Variants in ARHGAP29 observed in about 807,000 individuals in gnomAD.
ARHGAP29 encodes the protein rho GTPase-activating protein 29.
A neutral mutation model predicts 122.6 loss-of-function variants in ARHGAP29; 43 were observed. The observed-to-expected ratio is 0.35, with a 90% CI of 0.27 to 0.45. The LOEUF is 0.45. Among genes scored for constraint, ARHGAP29 ranks in the 20% least tolerant of loss-of-function variants. The pLI is 1.00. For missense variants in ARHGAP29, 1,303 were observed against 1,477.2 expected, an observed-to-expected ratio of 0.88 and a Z score of 1.93; for synonymous variants, 506 against 497.1, an observed-to-expected ratio of 1.02 and a Z score of -0.24.
rs553051606 is a variant in ARHGAP29 at position 94,201,869 on chromosome 1, T to A, written c.1144-12A>T. ...TTTGCTTCTTCTACCTTCACAAATATCACAGAAAAAAAAATAACACTAGAA... is the reference window on the plus strand; with the variant it reads ...TTTGCTTCTTCTACCTTCACAAATAACACAGAAAAAAAAATAACACTAGAA... On this transcript the variant is annotated splice_polypyrimidine_tract_variant and intron_variant, in intron 11 of 22. Coordinates refer to ENST00000260526, the MANE Select transcript of ARHGAP29 (RefSeq NM_004815.4). 3 of 1,434,098 alleles carry A rather than the reference T, an allele frequency of 2.1e-6. No homozygotes were observed. Among genetic ancestry groups the A allele is most frequent in the East Asian group, 2.6e-5 (1 of 38,974 alleles). The allele number at this position is 1,434,098 out of a possible 1,614,324, so 88.8% of individuals were successfully genotyped here.
At chr1:94,215,829 T>C (rs1651928019) in intron 3 of ARHGAP29, among the ~76,000 whole-genome samples, 1 of 152,106 alleles carries the variant, frequency 6.6e-6, no homozygotes, top group Non-Finnish European at 1.5e-5. Context: ...AAAGGCTAAT[T>C]TTACTTATAC....
intron 2 of ARHGAP29, among the ~76,000 whole-genome samples, chr1:94,222,775 A>G (rs958671274): frequency 2.6e-5 from 4 of 152,218 alleles, no homozygotes; most frequent in African/African-American, 4.8e-5. Flanking sequence ...TCTAAGAGAT[A>G]TAAGATGTTA....
intron 1 of ARHGAP29, among the ~76,000 whole-genome samples, chr1:94,265,493 C>T (rs1654734575): frequency 6.6e-6 from 1 of 152,184 alleles, no homozygotes; most frequent in South Asian, 2.1e-4. Flanking sequence ...CTTTTTCCAG[C>T]AAATCCTTTC....
intron 12 of ARHGAP29, chr1:94,193,763 A>G (rs1650271137): frequency 6.6e-6 from 1 of 152,254 alleles, no homozygotes; most frequent in Non-Finnish European, 1.5e-5. Flanking sequence ...TGAATCCATT[A>G]CCAGCAGACC....
At chr1:94,224,791 C>A (rs779342495) in intron 2 of ARHGAP29, among the ~76,000 whole-genome samples, 2 of 152,146 alleles carry the variant, frequency 1.3e-5, no homozygotes, top group South Asian at 4.1e-4. Context: ...GGTGGCAGCA[C>A]AAATGGTCTA....
At chr1:94,185,237 T>C in intron 17 of ARHGAP29, 105 bp downstream of exon 17, 1 of 1,330,238 alleles carries the variant, frequency 7.5e-7, no homozygotes, top group Non-Finnish European at 1.0e-6. Context: ...GTAGTACAAT[T>C]TATTAAACAT....
intron 12 of ARHGAP29, 48 bp downstream of exon 12, chr1:94,201,672 C>T (rs1650860309): frequency 6.2e-7 from 1 of 1,606,812 alleles, no homozygotes; most frequent in Middle Eastern, 1.7e-4. Flanking sequence ...CATGCCTTGC[C>T]TGATGGTCTT....
At chr1:94,287,949 C>A in the ARHGAP29 span, among the ~76,000 whole-genome samples, 1 of 152,042 alleles carries the variant, frequency 6.6e-6, no homozygotes, top group South Asian at 2.1e-4. Flanking sequence ...TGTGAATAGT[C>A]CCGCAATAAA....
At chr1:94,211,780 G>A (rs1022114903) in intron 3 of ARHGAP29, among the ~76,000 whole-genome samples, 5 of 151,978 alleles carry the variant, frequency 3.3e-5, no homozygotes, top group African/African-American at 1.2e-4. Context: ...TATACTTTAA[G>A]TTTTAGGGTG....
intron 12 of ARHGAP29, among the ~76,000 whole-genome samples, chr1:94,201,185 G>T (rs1415295337): frequency 6.6e-6 from 1 of 152,144 alleles, no homozygotes; most frequent in Non-Finnish European, 1.5e-5. Context: ...TCAAATCAAT[G>T]ATGTCGGCAA....
intron 2 of ARHGAP29, among the ~76,000 whole-genome samples, chr1:94,230,180 AT>A (rs1270594410): frequency 2.0e-5 from 3 of 151,740 alleles, no homozygotes; most frequent in Admixed American, 2.0e-4. Context: ...ACAAATTGTT[AT>A]TACAAAGCTA....
At chr1:94,307,334 C>G in the ARHGAP29 span, among the ~76,000 whole-genome samples, 1 of 152,204 alleles carries the variant, frequency 6.6e-6, no homozygotes, top group Non-Finnish European at 1.5e-5. Context: ...TTGTCATTTT[C>G]TTCAAACATC....
chr1:94,196,325 G>C (rs1369180690), intron 12 of ARHGAP29, among the ~76,000 whole-genome samples: 1 of 134,542 alleles, frequency 7.4e-6, no homozygotes, highest in African/African-American at 2.7e-5. Flanking sequence ...GCAGTGGCGC[G>C]ATCTCGGCTC....
chr1:94,253,636 A>ACACGCACGCACGCACG (rs66700832), intron 1 of ARHGAP29, among the ~76,000 whole-genome samples: 49 of 149,346 alleles, frequency 3.3e-4, no homozygotes, highest in Non-Finnish European at 5.0e-4. Flanking sequence ...TCTGGAACAC[A>ACACGCACGCACGCACG]CACGCACGCA....
At chr1:94,187,173 A>T (rs1649859578) in intron 15 of ARHGAP29, among the ~76,000 whole-genome samples, 1 of 152,254 alleles carries the variant, frequency 6.6e-6, no homozygotes, top group South Asian at 2.1e-4. Context: ...AGCAAAGGAC[A>T]CTGCCATATG....
chr1:94,222,156 G>A (rs971329163), intron 2 of ARHGAP29, among the ~76,000 whole-genome samples: 1 of 152,134 alleles, frequency 6.6e-6, no homozygotes, highest in Non-Finnish European at 1.5e-5. Context: ...AGTCCATACT[G>A]ACATAAATGA....
intron 15 of ARHGAP29, among the ~76,000 whole-genome samples, chr1:94,187,809 G>A (rs1169244609): frequency 6.6e-6 from 1 of 152,062 alleles, no homozygotes; most frequent in African/African-American, 2.4e-5. Flanking sequence ...TACAAATATT[G>A]AGCTCAATAT....
chr1:94,226,785 A>T (rs1354498461), intron 2 of ARHGAP29, among the ~76,000 whole-genome samples: 1 of 151,900 alleles, frequency 6.6e-6, no homozygotes, highest in Non-Finnish European at 1.5e-5. Context: ...ACTAAACAAT[A>T]ATCTATTAAC....
chr1:94,189,172 C>T (rs745975218), intron 14 of ARHGAP29, 44 bp downstream of exon 14: 1 of 1,562,414 alleles, frequency 6.4e-7, no homozygotes, highest in South Asian at 1.2e-5. Context: ...TTCGAACAAC[C>T]TGACCTTTTA....
Sources: gnomAD v4.1 joint callset for allele counts (sites outside exome capture counted in the v4.1 genomes callset) on GRCh38, gnomAD v4.1.1 for gene constraint, MANE v1.5 for transcripts, NCBI Gene and HGNC (gene_info 2026-07-23, HGNC 2026-07-21) for gene names.